PTPRD: variants seen among roughly 807,000 people sequenced by gnomAD.
The protein encoded by PTPRD is receptor-type tyrosine-protein phosphatase delta.
A neutral mutation model predicts 214.5 loss-of-function variants in PTPRD; 34 were observed. That is an observed-to-expected ratio of 0.16 (90% CI 0.12 to 0.21). The LOEUF (loss-of-function observed/expected upper bound fraction) is 0.21. Ranked by LOEUF, PTPRD falls within the 10% of genes least tolerant of loss-of-function variation. PTPRD has a pLI of 1.00. For synonymous variants in PTPRD, 1,128 were observed against 845.7 expected, an observed-to-expected ratio of 1.33 and a Z score of -5.79; for missense variants, 2,545 against 2,398.7, an observed-to-expected ratio of 1.06 and a Z score of -1.27.
At chr9:9,115,826 G>C (rs1056609126) in intron 10 of PTPRD, among the ~76,000 whole-genome samples, 2 of 152,068 alleles carry the variant, frequency 1.3e-5, no homozygotes, top group African/African-American at 4.8e-5. Flanking sequence ...ATCAACTTAG[G>C]TGTCCATCAA....
intron 11 of PTPRD, among the ~76,000 whole-genome samples, chr9:8,830,928 G>T (rs2097276102): frequency 6.6e-6 from 1 of 152,084 alleles, no homozygotes; most frequent in Non-Finnish European, 1.5e-5. Context: ...ATCAGCAAGT[G>T]ATATATCAGC....
At chr9:8,583,978 C>A (rs1273863681) in intron 14 of PTPRD, among the ~76,000 whole-genome samples, 9 of 152,000 alleles carry the variant, frequency 5.9e-5, no homozygotes, top group Admixed American at 5.9e-4. Context: ...ATCACAAAAC[C>A]CCATCTCTAC....
intron 30 of PTPRD, among the ~76,000 whole-genome samples, chr9:8,471,603 A>T (rs538398412): frequency 1.3e-5 from 2 of 152,296 alleles, no homozygotes; most frequent in African/African-American, 4.8e-5. Flanking sequence ...GTATAATTGC[A>T]CAGAGTAAGA....
At chr9:9,486,017 G>A (rs1290417284) in intron 8 of PTPRD, among the ~76,000 whole-genome samples, 1 of 151,748 alleles carries the variant, frequency 6.6e-6, no homozygotes, top group Non-Finnish European at 1.5e-5. Context: ...AGGGCGTGGT[G>A]GCTTACGCCT....
intron 10 of PTPRD, among the ~76,000 whole-genome samples, chr9:9,117,792 T>C (rs2099813775): frequency 6.6e-6 from 1 of 152,098 alleles, no homozygotes; most frequent in Non-Finnish European, 1.5e-5. Context: ...GTGGTATTTT[T>C]GGAAACAATG....
At chr9:9,077,808 G>T (rs1025835054) in intron 10 of PTPRD, among the ~76,000 whole-genome samples, 23 of 151,996 alleles carry the variant, frequency 1.5e-4, no homozygotes, top group Non-Finnish European at 1.6e-4. Context: ...ATGTGAAAGG[G>T]AATGACCCCA....
At chr9:10,364,302 A>G (rs757519823) in intron 2 of PTPRD, among the ~76,000 whole-genome samples, 10 of 152,024 alleles carry the variant, frequency 6.6e-5, no homozygotes, top group Middle Eastern at 3.4e-3. Context: ...CTCCCAGTCT[A>G]TTACCTCCAC....
Position 10,059,756 on chromosome 9 carries a change from G to A in PTPRD, c.-544-25966C>T, listed in dbSNP as rs137931265. 4.3e-3 allele frequency among the ~76,000 whole-genome samples: 648 copies of A among 149,928 alleles called. 6 individuals carry two copies. The highest frequency in any genetic ancestry group is 0.015 in the African/African-American group (608 of 40,546). Reference sequence around the variant, plus strand: ...TAAACATAAAAATATCTTATTGGTTGAGAACAATAATAAAATATTTAAGAA... The same window carrying A: ...TAAACATAAAAATATCTTATTGGTTAAGAACAATAATAAAATATTTAAGAA... On this transcript the variant is annotated intron_variant, in intron 3 of 45. Coordinates refer to ENST00000381196, the MANE Select transcript of PTPRD (RefSeq NM_002839.4).
chr9:9,395,349 G>C (rs1425921415), intron 9 of PTPRD, among the ~76,000 whole-genome samples: 3 of 152,086 alleles, frequency 2.0e-5, no homozygotes, highest in Non-Finnish European at 4.4e-5. Context: ...TCACCAGGGA[G>C]CTGAAGCATC....
chr9:10,234,333 G>A (rs2099622141), intron 3 of PTPRD, among the ~76,000 whole-genome samples: 1 of 151,788 alleles, frequency 6.6e-6, no homozygotes, highest in South Asian at 2.1e-4. Context: ...GAGATCTGCG[G>A]AACACATATT....
intron 9 of PTPRD, among the ~76,000 whole-genome samples, chr9:9,249,668 A>C (rs2099974636): frequency 6.6e-6 from 1 of 152,026 alleles, no homozygotes. Context: ...ACCAACTGCT[A>C]AAGTTTCAAC....
At chr9:9,482,626 C>G (rs894548594) in intron 8 of PTPRD, among the ~76,000 whole-genome samples, 3 of 152,156 alleles carry the variant, frequency 2.0e-5, no homozygotes, top group Non-Finnish European at 4.4e-5. Flanking sequence ...GTATTTACTG[C>G]CATTCTCTTC....
chr9:10,396,845 C>G (rs1344928621), intron 2 of PTPRD, among the ~76,000 whole-genome samples: 2 of 151,940 alleles, frequency 1.3e-5, no homozygotes, highest in African/African-American at 4.8e-5. Flanking sequence ...AGTGGGGAGG[C>G]AGGCATAGAT....
chr9:8,884,171 T>C (rs1259623152), intron 11 of PTPRD, among the ~76,000 whole-genome samples: 1 of 152,216 alleles, frequency 6.6e-6, no homozygotes, highest in Non-Finnish European at 1.5e-5. Flanking sequence ...CCTAGCTCCA[T>C]CTGATTCCTT....
At chr9:8,554,296 GAAAT>G (rs1028697482) in intron 14 of PTPRD, among the ~76,000 whole-genome samples, 53 of 152,142 alleles carry the variant, frequency 3.5e-4, no homozygotes, top group African/African-American at 1.2e-3. Flanking sequence ...ATGAGGAAGA[GAAAT>G]AAATCTGATA....
At chr9:8,772,837 C>T (rs2095293129) in intron 11 of PTPRD, among the ~76,000 whole-genome samples, 1 of 151,728 alleles carries the variant, frequency 6.6e-6, no homozygotes, top group Non-Finnish European at 1.5e-5. Flanking sequence ...TTTGGGGGTG[C>T]TAGATATTTT....
At chr9:9,281,552 C>T (rs1947702789) in intron 9 of PTPRD, among the ~76,000 whole-genome samples, 1 of 151,234 alleles carries the variant, frequency 6.6e-6, no homozygotes, top group African/African-American at 2.4e-5. Flanking sequence ...TGAAATATTA[C>T]TACACACCTA....
At chr9:9,516,311 GC>G (rs1179816746) in intron 8 of PTPRD, among the ~76,000 whole-genome samples, 4 of 151,932 alleles carry the variant, frequency 2.6e-5, no homozygotes, top group African/African-American at 9.7e-5. Flanking sequence ...ACACCATTCA[GC>G]TTTTGTTGTC....
intron 8 of PTPRD, among the ~76,000 whole-genome samples, chr9:9,488,860 T>G (rs1419405413): frequency 6.6e-6 from 1 of 152,130 alleles, no homozygotes; most frequent in Non-Finnish European, 1.5e-5. Flanking sequence ...TGAAGCAGCT[T>G]GCACCCAGAT....
Sources: allele counts gnomAD v4.1 joint callset (sites outside exome capture counted in the v4.1 genomes callset), GRCh38; gene constraint gnomAD v4.1.1; transcripts MANE v1.5; gene names NCBI Gene and HGNC (gene_info 2026-07-23, HGNC 2026-07-21).